PP2D1: variants seen among roughly 807,000 people sequenced by gnomAD.
PP2D1 encodes the protein protein phosphatase 2C-like domain-containing protein 1.
A neutral mutation model predicts 30.2 loss-of-function variants in PP2D1; 25 were observed. The observed-to-expected ratio is 0.83, with a 90% CI of 0.60 to 1.16. PP2D1 has a LOEUF of 1.16. Ranked by LOEUF, PP2D1 falls within the 50% of genes most tolerant of loss-of-function variation. PP2D1 has a pLI of 0.00. For missense variants in PP2D1, 760 were observed against 742.4 expected, an observed-to-expected ratio of 1.02 and a Z score of -0.28; for synonymous variants, 260 against 258.9, an observed-to-expected ratio of 1.00 and a Z score of -0.04.
downstream of PP2D1, chr3:19,985,254 G>A (rs1280479924): frequency 3.0e-5 from 21 of 698,476 alleles, no homozygotes; most frequent in East Asian, 1.6e-4. Context: ...CCTAGTATCC[G>A]CTTTTATATT....
chr3:19,988,387 G>T (rs1697070789), intron 2 of PP2D1, among the ~76,000 whole-genome samples: 1 of 152,172 alleles, frequency 6.6e-6, no homozygotes, highest in Non-Finnish European at 1.5e-5. Flanking sequence ...CCAGTCTCCT[G>T]TAGCACCCCC....
At chr3:19,991,248 T>G (rs1268919903) in intron 2 of PP2D1, among the ~76,000 whole-genome samples, 1 of 152,186 alleles carries the variant, frequency 6.6e-6, no homozygotes, top group Non-Finnish European at 1.5e-5. Context: ...AGGGTAATGA[T>G]GTGGCTGCCT....
Position 19,988,083 on chromosome 3 carries a change from C to T in PP2D1, c.1091-1901G>A, listed in dbSNP as rs377526127. 6.0e-4 allele frequency among the ~76,000 whole-genome samples: 92 copies of T among 152,202 alleles called. 1 individual carries two copies. The South Asian group carries it at 9.4e-3, about 15-fold the overall frequency. On this transcript the variant is annotated intron_variant, in intron 2 of 2. Transcript: ENST00000389050. ...GATTGCGTTAACTGCACAAATTGTT[C>T]ATAAACCATGTGTGTTTAAACAATA...
chr3:19,997,055 A>C (rs1039634174), intron 2 of PP2D1: 5 of 152,188 alleles, frequency 3.3e-5, no homozygotes, highest in Non-Finnish European at 2.9e-5. Context: ...TAGGCATAGA[A>C]GAAACATATC....
At chr3:19,988,335 G>C (rs1697070210) in intron 2 of PP2D1, among the ~76,000 whole-genome samples, 1 of 152,166 alleles carries the variant, frequency 6.6e-6, no homozygotes, top group East Asian at 1.9e-4. Flanking sequence ...GCCTCTCTGG[G>C]AATGTCTCTT....
Position 19,986,847 on chromosome 3 carries a change from C to T in PP2D1, c.1091-665G>A, listed in dbSNP as rs566828241. On this transcript the variant is annotated intron_variant, in intron 2 of 2. Transcript: ENST00000389050. ...GTCAGGCGTTCGAGACCAGCCTGAC[C>T]AACATGGAGAAACCCCATCTCTACT... is the stretch of plus-strand genomic sequence containing the variant. Among the ~76,000 whole-genome samples, 17 of 152,108 alleles carry T rather than the reference C, an allele frequency of 1.1e-4. No homozygotes were observed. The South Asian group carries it at 2.1e-3, about 19-fold the overall frequency.
downstream of PP2D1, chr3:19,984,076 G>A (rs1413858630): frequency 1.4e-5 from 6 of 430,452 alleles, no homozygotes; most frequent in African/African-American, 4.1e-5. Flanking sequence ...AAGGTTAGGG[G>A]GAATAATTTC....
downstream of PP2D1, among the ~76,000 whole-genome samples, chr3:19,981,416 C>G (rs1052810852): frequency 2.0e-5 from 3 of 152,048 alleles, no homozygotes; most frequent in African/African-American, 7.2e-5. Flanking sequence ...GGTCAGGAAA[C>G]AAGCCGGGCC....
At chr3:19,988,529 C>T (rs879611041) in intron 2 of PP2D1, among the ~76,000 whole-genome samples, 6 of 152,156 alleles carry the variant, frequency 3.9e-5, no homozygotes, top group Non-Finnish European at 8.8e-5. Flanking sequence ...TTTAATTTCA[C>T]CCAGGTCCTG....
intron 1 of PP2D1, among the ~76,000 whole-genome samples, chr3:20,007,517 C>T (rs368364543): frequency 4.6e-5 from 7 of 151,894 alleles, no homozygotes; most frequent in South Asian, 2.1e-4. Flanking sequence ...GCCTGTGATC[C>T]CAGCACTTAG....
chr3:19,985,657 T>A lies in PP2D1; in HGVS notation c.1616A>T (p.Tyr539Phe). The A allele has an allele frequency of 6.5e-7, 1 of 1,535,932 alleles. No individual in the cohort carries two copies. The highest frequency in any genetic ancestry group is 1.2e-5 in the South Asian group (1 of 84,060). The change falls in exon 3 of 3, where the codon TAT becomes TTT. Residue 539 changes from tyrosine (Y) to phenylalanine (F), a missense_variant. Transcript: ENST00000389050. The part of the protein sequence containing the change: ...NSKENLSDSN[Y>F]SKYCIYNPEN... ...AGGGTTATAAATACAGTATTTAGAATAGTTTGAATCGGATAAATTTTCTTT... is the reference window on the plus strand; with the variant it reads ...AGGGTTATAAATACAGTATTTAGAAAAGTTTGAATCGGATAAATTTTCTTT...
downstream of PP2D1, among the ~76,000 whole-genome samples, chr3:19,981,443 G>A (rs1211609504): frequency 2.0e-5 from 3 of 151,898 alleles, no homozygotes; most frequent in Non-Finnish European, 4.4e-5. Flanking sequence ...TCGAAACCCC[G>A]TCTCTACTAA....
intron 1 of PP2D1, among the ~76,000 whole-genome samples, chr3:20,011,823 GTTAATTAA>G (rs10607560): frequency 3.3e-5 from 5 of 151,300 alleles, no homozygotes; most frequent in African/African-American, 9.7e-5. Context: ...AATAAAATAA[GTTAATTAA>G]TTAATTAATT....
chr3:19,990,338 C>G (rs933478845), intron 2 of PP2D1, among the ~76,000 whole-genome samples: 8 of 152,128 alleles, frequency 5.3e-5, no homozygotes, highest in African/African-American at 1.9e-4. Context: ...TAGAGACAGG[C>G]TTTCGCTATG....
intron 2 of PP2D1, among the ~76,000 whole-genome samples, chr3:19,991,967 T>G (rs1697124777): frequency 6.6e-6 from 1 of 152,098 alleles, no homozygotes; most frequent in African/African-American, 2.4e-5. Context: ...AAAATTACAA[T>G]TGTAAAGGAG....
intron 2 of PP2D1, among the ~76,000 whole-genome samples, chr3:19,986,832 C>G (rs755029377): frequency 2.0e-5 from 3 of 151,982 alleles, no homozygotes; most frequent in Admixed American, 1.3e-4. Flanking sequence ...GTCAGGCGTT[C>G]GAGACCAGCC....
Position 19,999,672 on chromosome 3 carries a change from A to C in PP2D1, c.1090+1358T>G, listed in dbSNP as rs184086380. On this transcript the variant is annotated intron_variant, in intron 2 of 2. Transcript: ENST00000389050. ...CCAAAGTGCTGGAATTACAGGCGTG[A>C]GCCACCACCCACAGCTGTGTCTAGA... 4.9e-4 allele frequency among the ~76,000 whole-genome samples: 75 copies of C among 152,202 alleles called. No individual in the cohort carries two copies. In the East Asian group the frequency reaches 0.012, roughly 24 times the overall value.
chr3:20,002,917 T>C (rs997800869), intron 1 of PP2D1, among the ~76,000 whole-genome samples: 1 of 152,006 alleles, frequency 6.6e-6, no homozygotes, highest in Non-Finnish European at 1.5e-5. Context: ...TAGCTGGGCA[T>C]GGTGGCAGGT....
Position 20,001,967 on chromosome 3 carries a change from G to A in PP2D1, c.153C>T (p.Arg51=), listed in dbSNP as rs1350646834. 5.2e-6 allele frequency: 8 copies of A among 1,536,106 alleles called. No homozygotes were observed. The African/African-American group carries it at 9.6e-5, about 18-fold the overall frequency. The part of the protein sequence containing the change: ...KKSRPVRHTK[R]HEEEQVYEQG... ...GCTCATAGACCTGCTCCTCTTCATG[G>A]CGTTTGGTGTGTCTCACTGGTCTTG... The change falls in exon 2 of 3, where the codon CGC becomes CGT. Residue 51 remains arginine (R), a synonymous_variant. Transcript: ENST00000389050.
Sources: gnomAD v4.1 joint callset for allele counts (sites outside exome capture counted in the v4.1 genomes callset) on GRCh38, gnomAD v4.1.1 for gene constraint, MANE v1.5 for transcripts, NCBI Gene and HGNC (gene_info 2026-07-23, HGNC 2026-07-21) for gene names.